C10orf90: variants seen among roughly 807,000 people sequenced by gnomAD.
C10orf90 encodes chromosome 10 open reading frame 90.
A neutral mutation model predicts 62.5 loss-of-function variants in C10orf90; 56 were observed. That is an observed-to-expected ratio of 0.90 (90% CI 0.72 to 1.12). The LOEUF is 1.12. Ranked by LOEUF, C10orf90 falls within the 50% of genes most tolerant of loss-of-function variation. The probability of loss-of-function intolerance (pLI) is 0.00; values close to 1 mark genes in which losing one functional copy is unlikely to be tolerated. For synonymous variants in C10orf90, 386 were observed against 340.4 expected (o/e 1.13, Z -1.47); for missense variants, 970 against 880.4 (o/e 1.10, Z -1.29).
intron 2 of C10orf90, among the ~76,000 whole-genome samples, chr10:126,581,403 C>T (rs186842556): frequency 5.9e-5 from 9 of 152,258 alleles, no homozygotes; most frequent in East Asian, 1.9e-4. Flanking sequence ...GGTTTGAGAA[C>T]GGCCCAGTGA....
At chr10:126,428,861 C>A (rs952354393) in intron 8 of C10orf90, among the ~76,000 whole-genome samples, 6 of 152,084 alleles carry the variant, frequency 3.9e-5, no homozygotes, top group African/African-American at 1.4e-4. Flanking sequence ...CGAATCAGGT[C>A]TTTAATGGGA....
intron 2 of C10orf90, among the ~76,000 whole-genome samples, chr10:126,584,571 C>T (rs1278941070): frequency 1.3e-5 from 2 of 152,000 alleles, no homozygotes; most frequent in Admixed American, 6.6e-5. Context: ...TTGGAAATAC[C>T]GAATGAAGCC....
At chr10:126,608,211 C>T (rs530890216) in intron 2 of C10orf90, among the ~76,000 whole-genome samples, 6 of 152,264 alleles carry the variant, frequency 3.9e-5, no homozygotes, top group South Asian at 4.1e-4. Context: ...TGGGCTCAAG[C>T]GATCCTCCGA....
At chr10:126,579,027 G>A (rs568919231) in intron 2 of C10orf90, among the ~76,000 whole-genome samples, 1 of 151,784 alleles carries the variant, frequency 6.6e-6, no homozygotes, top group South Asian at 2.1e-4. Context: ...TGTAAAATGT[G>A]CATTTTCTGT....
At chr10:126,585,339 G>A (rs556438277) in intron 2 of C10orf90, among the ~76,000 whole-genome samples, 1 of 144,964 alleles carries the variant, frequency 6.9e-6, no homozygotes, top group East Asian at 2.0e-4. Context: ...GGGAGAGAGG[G>A]AGACAGGCAG....
chr10:126,446,041 A>C (rs1360204456), intron 7 of C10orf90, among the ~76,000 whole-genome samples: 1 of 151,954 alleles, frequency 6.6e-6, no homozygotes, highest in Non-Finnish European at 1.5e-5. Context: ...GAAAGACTAC[A>C]AATAGGGTAC....
At chr10:126,524,503 G>C (rs752254766) in intron 2 of C10orf90, 10 of 439,900 alleles carry the variant, frequency 2.3e-5, no homozygotes, top group Non-Finnish European at 3.0e-5. Flanking sequence ...GAAATTAGGA[G>C]CCTCACCTAA....
At chr10:126,501,989 C>T (rs906305551) in intron 4 of C10orf90, among the ~76,000 whole-genome samples, 107 of 148,080 alleles carry the variant, frequency 7.2e-4, no homozygotes, top group African/African-American at 2.3e-3. Flanking sequence ...ACACCACACA[C>T]GCATACACAC....
chr10:126,579,140 G>T (rs571905004), intron 2 of C10orf90, among the ~76,000 whole-genome samples: 1 of 152,066 alleles, frequency 6.6e-6, no homozygotes, highest in Non-Finnish European at 1.5e-5. Flanking sequence ...GGTAGCAACA[G>T]CATACGCCAT....
At chr10:126,638,151 C>G (rs1476125944) in intron 2 of C10orf90, among the ~76,000 whole-genome samples, 2 of 152,154 alleles carry the variant, frequency 1.3e-5, no homozygotes, top group Non-Finnish European at 2.9e-5. Context: ...ACTGGGCCCC[C>G]CTGCCTCCCT....
At chr10:126,523,268 G>A (rs1231084296) in intron 2 of C10orf90, among the ~76,000 whole-genome samples, 1 of 151,974 alleles carries the variant, frequency 6.6e-6, no homozygotes, top group South Asian at 2.1e-4. Flanking sequence ...GACAGAGCAG[G>A]GGCACCAGAC....
chr10:126,511,444 C>G (rs1863103171), intron 3 of C10orf90, among the ~76,000 whole-genome samples: 1 of 152,022 alleles, frequency 6.6e-6, no homozygotes, highest in Non-Finnish European at 1.5e-5. Context: ...TAATGTTGTA[C>G]CACCGTCACC....
chr10:126,506,893 C>A (rs1001585839), intron 3 of C10orf90, among the ~76,000 whole-genome samples: 1 of 151,576 alleles, frequency 6.6e-6, no homozygotes. Context: ...TTTGGCATGG[C>A]AAGTCCACAT....
intron 7 of C10orf90, among the ~76,000 whole-genome samples, chr10:126,432,475 C>A (rs1857642045): frequency 6.6e-6 from 1 of 152,168 alleles, no homozygotes; most frequent in Non-Finnish European, 1.5e-5. Flanking sequence ...CTGGACAAGT[C>A]AAAAACCAGC....
chr10:126,576,692 TG>T (rs1289846450), intron 2 of C10orf90, among the ~76,000 whole-genome samples: 1 of 34,858 alleles, frequency 2.9e-5, no homozygotes, highest in Non-Finnish European at 5.7e-5. Flanking sequence ...TACATATACA[TG>T]TATATGTATA....
chr10:126,469,827 G>A (rs557274407), intron 4 of C10orf90: 18 of 456,188 alleles, frequency 3.9e-5, no homozygotes, highest in South Asian at 2.6e-4. Context: ...GCAGGCTTGG[G>A]TGTCTGTTGA....
chr10:126,525,122 G>A (rs954672060), intron 2 of C10orf90, among the ~76,000 whole-genome samples: 3 of 152,124 alleles, frequency 2.0e-5, no homozygotes, highest in South Asian at 2.1e-4. Flanking sequence ...TACCAGACCC[G>A]TTAGTCAGGC....
chr10:126,538,613 C>T (rs1474284708), intron 2 of C10orf90, among the ~76,000 whole-genome samples: 1 of 152,216 alleles, frequency 6.6e-6, no homozygotes, highest in Non-Finnish European at 1.5e-5. Flanking sequence ...TGTATCCTTT[C>T]CCCTTCTCCT....
chr10:126,426,885 G>A (rs1188753186), intron 8 of C10orf90, among the ~76,000 whole-genome samples: 1 of 152,142 alleles, frequency 6.6e-6, no homozygotes, highest in Non-Finnish European at 1.5e-5. Context: ...GACAATCTTC[G>A]CAGGAGACAT....
Sources: allele counts gnomAD v4.1 joint callset (sites outside exome capture counted in the v4.1 genomes callset), GRCh38; gene constraint gnomAD v4.1.1; transcripts MANE v1.5; gene names NCBI Gene and HGNC (gene_info 2026-07-23, HGNC 2026-07-21).